PYGO1: variants seen among roughly 807,000 people sequenced by gnomAD.
PYGO1 encodes the protein pygopus homolog 1.
Under a neutral mutation model 29.5 loss-of-function variants are expected in PYGO1, and 6 were observed. The observed-to-expected ratio is 0.20, with a 90% CI of 0.11 to 0.40. PYGO1 has a LOEUF of 0.40. Among genes scored for constraint, PYGO1 ranks in the 10% least tolerant of loss-of-function variants. PYGO1 has a pLI of 1.00. For missense variants in PYGO1, 515 were observed against 514.9 expected (o/e 1.00, Z 0.00); for synonymous variants, 186 against 180.5 (o/e 1.03, Z -0.24).
rs1482525222 is a variant in PYGO1 at position 55,539,535 on chromosome 15, T to C, written c.*6488A>G. 1 of 152,082 alleles carries C rather than the reference T, an allele frequency of 6.6e-6. No individual in the cohort carries two copies. The allele number at this position is 152,082 out of a possible 1,614,324, so 9.4% of individuals were successfully genotyped here. A position where few individuals can be genotyped will look rare whatever the true frequency, so the allele number is the denominator to read the frequency against. ...TGAATTAATAATACTTCTTTAGACG[T>C]CTATGATCTAAATAGAAACAGACTC... On this transcript the variant is annotated 3_prime_UTR_variant, in exon 3 of 3. Transcript: ENST00000563719.
At chr15:55,573,762 G>A (rs2058989744) in intron 1 of PYGO1, among the ~76,000 whole-genome samples, 1 of 152,132 alleles carries the variant, frequency 6.6e-6, no homozygotes, top group South Asian at 2.1e-4. Flanking sequence ...CTGTTGACTG[G>A]AAGCCTTAAC....
intron 1 of PYGO1, among the ~76,000 whole-genome samples, chr15:55,551,576 G>A (rs62020038): frequency 0.055 from 8,301 of 152,068 alleles, 280 homozygotes; most frequent in Middle Eastern, 0.068. Context: ...GCGGGGGATT[G>A]CTCCAGCCCA....
intron 1 of PYGO1, among the ~76,000 whole-genome samples, chr15:55,566,311 G>A (rs1424081980): frequency 6.6e-6 from 1 of 151,750 alleles, no homozygotes; most frequent in Non-Finnish European, 1.5e-5. Context: ...TTACAAGTGA[G>A]AACATGCAGT....
At position 55,546,952 on chromosome 15, in the gene PYGO1, G is replaced by C. The variant is rs867924163; in HGVS notation, c.331C>G (p.Pro111Ala). Residue 111 changes from proline (P) to alanine (A), a missense_variant, in exon 3 of 3, where the codon CCC (proline) becomes GCC (alanine). Pro to Ala is a conservative substitution (Grantham distance 27). Transcript: ENST00000563719. ...YSTFRMPPHV[P>A]PRMSSPYCGP... ...CAGTATGGGGAAGACATTCTTGGGG[G>C]AACGTGAGGTGGCATTCTGAATGTA... 1 of 1,614,050 alleles carries C rather than the reference G, an allele frequency of 6.2e-7. No individual in the cohort carries two copies. Among genetic ancestry groups the C allele is most frequent in the Admixed American group, 1.7e-5 (1 of 60,018 alleles).
chr15:55,552,361 C>CAAAAAAAAAAAA lies in PYGO1; in HGVS notation c.50-3378_50-3367dup, dbSNP rs56789656. Among the ~76,000 whole-genome samples, 65 of 52,984 alleles carry CAAAAAAAAAAAA rather than the reference C, an allele frequency of 1.2e-3. 1 individual carries two copies. Among genetic ancestry groups the CAAAAAAAAAAAA allele is most frequent in the Non-Finnish European group, 2.2e-3 (50 of 22,886 alleles). 34.8% of individuals were successfully genotyped at this position (52,984 alleles called of 152,430 possible). ...GGGCAAAAGAGCGAGACTCTGTCTCCAAAAAAAAAAAAAAAAAAAAAAGGT... is the reference window on the plus strand; with the variant it reads ...GGGCAAAAGAGCGAGACTCTGTCTCCAAAAAAAAAAAAAAAAAAAAAAAAAAAAAAAAAAGGT... On this transcript the variant is annotated intron_variant, in intron 1 of 2. Coordinates refer to ENST00000563719, the MANE Select transcript of PYGO1 (RefSeq NM_001367806.1).
chr15:55,563,601 C>T (rs987618907), intron 1 of PYGO1, among the ~76,000 whole-genome samples: 12 of 152,092 alleles, frequency 7.9e-5, no homozygotes, highest in African/African-American at 2.4e-4. Context: ...CCGCCTGCCT[C>T]GGCCTCCCAA....
At chr15:55,555,876 A>C (rs7180827) in intron 1 of PYGO1, among the ~76,000 whole-genome samples, 1 of 151,760 alleles carries the variant, frequency 6.6e-6, no homozygotes, top group South Asian at 2.1e-4. Flanking sequence ...CAGGGGTTGC[A>C]ATACTAGTTT....
At chr15:55,549,101 T>A in intron 1 of PYGO1, 106 bp from the exon 2 acceptor site, 2 of 852,168 alleles carry the variant, frequency 2.3e-6, no homozygotes, top group Admixed American at 3.0e-5. Context: ...TCTATTTTCG[T>A]TAGACAAGAG....
In PYGO1 at chr15:55,544,944, C is replaced by T. The variant is rs2058843152; in HGVS notation, c.*1079G>A. 6.6e-6 allele frequency: 1 copy of T among 152,156 alleles called. No individual in the cohort carries two copies. 9.4% of individuals were successfully genotyped at this position (152,156 alleles called of 1,614,324 possible). On this transcript the variant is annotated 3_prime_UTR_variant, in exon 3 of 3. Transcript: ENST00000563719. Reference sequence around the variant, plus strand: ...CTTTTCCCCAGTCAGAGCGGGAATTCCTTAAGTCTGCTGCAAGGCTTCAAA... The same window carrying T: ...CTTTTCCCCAGTCAGAGCGGGAATTTCTTAAGTCTGCTGCAAGGCTTCAAA...
At chr15:55,570,094 G>C (rs949020862) in intron 1 of PYGO1, among the ~76,000 whole-genome samples, 1 of 152,180 alleles carries the variant, frequency 6.6e-6, no homozygotes, top group Non-Finnish European at 1.5e-5. Flanking sequence ...AGGTCAGTCA[G>C]AGAGAGGGGC....
chr15:55,561,604 G>C (rs1022699547), intron 1 of PYGO1, among the ~76,000 whole-genome samples: 12 of 152,178 alleles, frequency 7.9e-5, no homozygotes, highest in Non-Finnish European at 1.8e-4. Context: ...CTTCCCACCA[G>C]ATTCCTCCCT....
chr15:55,581,147 T>A (rs1171409041), intron 1 of PYGO1, among the ~76,000 whole-genome samples: 4 of 152,190 alleles, frequency 2.6e-5, no homozygotes, highest in Non-Finnish European at 5.9e-5. Context: ...AACTCCCACC[T>A]AATCTTGGCT....
intron 1 of PYGO1, among the ~76,000 whole-genome samples, chr15:55,578,879 A>G (rs1367112643): frequency 6.6e-6 from 1 of 152,202 alleles, no homozygotes; most frequent in Non-Finnish European, 1.5e-5. Context: ...TTCTTTGGTT[A>G]ATTGAGTAAA....
rs989300811 is a variant in PYGO1, at chr15:55,541,903, C to T, written c.*4120G>A. Reference sequence around the variant, plus strand: ...TGAGAGTTCAGCATGATACTATTAACTAGATTATGGTCTAAATGAGCCTTT... The same window carrying T: ...TGAGAGTTCAGCATGATACTATTAATTAGATTATGGTCTAAATGAGCCTTT... On this transcript the variant is annotated 3_prime_UTR_variant, in exon 3 of 3. Coordinates refer to ENST00000563719, the MANE Select transcript of PYGO1 (RefSeq NM_001367806.1). 6.6e-6 allele frequency: 1 copy of T among 152,144 alleles called. No individual in the cohort carries two copies. The highest frequency in any genetic ancestry group is 2.4e-5 in the African/African-American group (1 of 41,442). The allele number at this position is 152,144 out of a possible 1,614,324, so 9.4% of individuals were successfully genotyped here.
rs1030082864 is a variant in PYGO1 at position 55,556,962 on chromosome 15, A to G, written c.50-7967T>C. Among the ~76,000 whole-genome samples the G allele has an allele frequency of 3.9e-5, 6 of 152,040 alleles. 1 individual carries two copies. The highest frequency in any genetic ancestry group is 5.9e-5 in the Non-Finnish European group (4 of 67,986). On this transcript the variant is annotated intron_variant, in intron 1 of 2. Coordinates refer to ENST00000563719, the MANE Select transcript of PYGO1 (RefSeq NM_001367806.1). The stretch of plus-strand genomic sequence containing the variant: ...CTGAACCAGGAAGAAACTGAATTAA[A>G]GAATAGTAACAAGTTCTGAAATTGA...
intron 1 of PYGO1, among the ~76,000 whole-genome samples, chr15:55,572,497 A>G (rs1181674255): frequency 5.3e-5 from 8 of 152,254 alleles, no homozygotes; most frequent in Admixed American, 1.3e-4. Flanking sequence ...GGTCTTGCCA[A>G]TGATTTTTGG....
chr15:55,561,622 TG>T, intron 1 of PYGO1, among the ~76,000 whole-genome samples: 2 of 152,274 alleles, frequency 1.3e-5, no homozygotes, highest in East Asian at 3.9e-4. Context: ...CCTTAATACC[TG>T]GGGTTTACAA....
intron 1 of PYGO1, among the ~76,000 whole-genome samples, chr15:55,558,385 T>C (rs1306706913): frequency 4.0e-5 from 6 of 151,818 alleles, no homozygotes; most frequent in Non-Finnish European, 1.5e-5. Flanking sequence ...TGCTCATGGA[T>C]AGGAAGAATC....
chr15:55,565,985 G>C (rs2058954704), intron 1 of PYGO1, among the ~76,000 whole-genome samples: 1 of 152,160 alleles, frequency 6.6e-6, no homozygotes, highest in African/African-American at 2.4e-5. Context: ...GTTCTACCAT[G>C]TTGGCCAAGT....
Sources: gnomAD v4.1 joint callset for allele counts (sites outside exome capture counted in the v4.1 genomes callset) on GRCh38, gnomAD v4.1.1 for gene constraint, MANE v1.5 for transcripts, NCBI Gene and HGNC (gene_info 2026-07-23, HGNC 2026-07-21) for gene names.